Variants in NFATC2 observed in about 807,000 individuals in gnomAD.
NFATC2 encodes nuclear factor of activated T cells 2.
NFATC2 carries 22 observed loss-of-function variants against 87.3 expected under a neutral mutation model. The observed-to-expected ratio is 0.25, with a 90% CI of 0.18 to 0.36. NFATC2 has a LOEUF of 0.36. Among genes scored for constraint, NFATC2 ranks in the 10% least tolerant of loss-of-function variants. The probability of loss-of-function intolerance (pLI) is 1.00; values close to 1 mark genes in which losing one functional copy is unlikely to be tolerated. For missense variants in NFATC2, 1,149 were observed against 1,259.1 expected, an observed-to-expected ratio of 0.91 and a Z score of 1.32; for synonymous variants, 565 against 542.2, an observed-to-expected ratio of 1.04 and a Z score of -0.58.
intron 9 of NFATC2, among the ~76,000 whole-genome samples, chr20:51,407,768 C>A (rs1049902368): frequency 7.9e-5 from 12 of 152,244 alleles, no homozygotes; most frequent in African/African-American, 2.9e-4. Context: ...GGGGTCAGGA[C>A]GAGAACCGTG....
At chr20:51,475,804 C>A (rs564083236) in intron 3 of NFATC2, 144 bp from the exon 4 acceptor site, 141 of 780,906 alleles carry the variant, frequency 1.8e-4, no homozygotes, top group South Asian at 1.4e-3. Flanking sequence ...CTGGAAACAA[C>A]CTTGATGTCC....
At chr20:51,397,159 C>T (rs6123022) in intron 10 of NFATC2, among the ~76,000 whole-genome samples, 10 of 152,260 alleles carry the variant, frequency 6.6e-5, no homozygotes, top group South Asian at 6.2e-4. Flanking sequence ...GGATTACAGG[C>T]GTGAGCCACC....
chr20:51,531,222 G>T (rs1405642608), intron 1 of NFATC2, among the ~76,000 whole-genome samples: 1 of 152,210 alleles, frequency 6.6e-6, no homozygotes, highest in African/African-American at 2.4e-5. Flanking sequence ...CCCCAGCATG[G>T]CACAGGAGGC....
intron 3 of NFATC2, among the ~76,000 whole-genome samples, chr20:51,476,510 T>C (rs908985930): frequency 2.0e-5 from 3 of 152,224 alleles, no homozygotes; most frequent in Admixed American, 6.5e-5. Flanking sequence ...TGAATCCTAA[T>C]CCCAATGGCT....
rs1026655964 is a variant in NFATC2, at chr20:51,480,341, G to A, written c.1333-4681C>T. On this transcript the variant is annotated intron_variant, in intron 3 of 10. Coordinates refer to ENST00000371564, the MANE Select transcript of NFATC2 (RefSeq NM_012340.5). The surrounding 1 kb of genome is among the most constrained non-coding windows in gnomAD (Gnocchi z 4.2). Reference sequence around the variant, plus strand: ...ACAGGAGAGAGAGTGGGGCAGGAAGGAGGGAGAAAAGAAGGGGCACAGAGG... The same window carrying A: ...ACAGGAGAGAGAGTGGGGCAGGAAGAAGGGAGAAAAGAAGGGGCACAGAGG... Among the ~76,000 whole-genome samples the A allele has an allele frequency of 6.6e-6, 1 of 152,178 alleles. No homozygotes were observed. Among genetic ancestry groups the A allele is most frequent in the Non-Finnish European group, 1.5e-5 (1 of 68,034 alleles).
chr20:51,444,381 C>T (rs548235459), intron 6 of NFATC2, among the ~76,000 whole-genome samples: 1 of 151,932 alleles, frequency 6.6e-6, no homozygotes, highest in East Asian at 1.9e-4. Context: ...AGCCCGTTTG[C>T]TGATGTATGG....
intron 1 of NFATC2, among the ~76,000 whole-genome samples, chr20:51,553,955 C>T (rs1272055436): frequency 6.6e-6 from 1 of 152,156 alleles, no homozygotes; most frequent in Non-Finnish European, 1.5e-5. Context: ...GCTGTCTTCC[C>T]CTGTATGCCC....
chr20:51,395,106 T>C (rs1986868191), intron 10 of NFATC2, among the ~76,000 whole-genome samples: 1 of 152,058 alleles, frequency 6.6e-6, no homozygotes, highest in South Asian at 2.1e-4. Context: ...GGAGTCTTTC[T>C]CTCTATGAAA....
Position 51,475,636 on chromosome 20 carries a change from G to T in NFATC2, c.1357C>A (p.Pro453Thr), listed in dbSNP as rs1237864788. ...CCAATGAAGATCTGAAGTCCCAGAGGCTTGTTTTCCATGTAGCCATGGAGC... is the reference window on the plus strand; with the variant it reads ...CCAATGAAGATCTGAAGTCCCAGAGTCTTGTTTTCCATGTAGCCATGGAGC... ...VQLHGYMENK[P>T]LGLQIFIGTA... The change falls in exon 4 of 11, where the codon CCT (proline) becomes ACT (threonine). Residue 453 changes from proline (P) to threonine (T), a missense_variant. By Grantham distance (38) the Pro-to-Thr change is conservative (BLOSUM62 -1). Transcript: ENST00000371564. The T allele has an allele frequency of 1.9e-6, 3 of 1,614,104 alleles. No individual in the cohort carries two copies. The highest frequency in any genetic ancestry group is 1.7e-5 in the Admixed American group (1 of 60,006).
Position 51,495,585 on chromosome 20 carries a change from T to C in NFATC2, c.1333-19925A>G, listed in dbSNP as rs148932071. Among the ~76,000 whole-genome samples, 25 of 152,360 alleles carry C rather than the reference T, an allele frequency of 1.6e-4. No individual in the cohort carries two copies. In the East Asian group the frequency reaches 4.8e-3, roughly 29 times the overall value. On this transcript the variant is annotated intron_variant, in intron 3 of 10. Coordinates refer to ENST00000371564, the MANE Select transcript of NFATC2 (RefSeq NM_012340.5). ...CTTATCCAGTTCTGAACCTGGGTTTTCTTTGATGACAGAAGGCAAATAAAT... is the reference window on the plus strand; with the variant it reads ...CTTATCCAGTTCTGAACCTGGGTTTCCTTTGATGACAGAAGGCAAATAAAT...
chr20:51,496,521 C>T (rs1290795151), intron 3 of NFATC2, among the ~76,000 whole-genome samples: 1 of 152,000 alleles, frequency 6.6e-6, no homozygotes, highest in East Asian at 1.9e-4. Flanking sequence ...GCCTCACTAC[C>T]TTCTCCTTCT....
chr20:51,453,647 G>A (rs762471240), intron 6 of NFATC2, among the ~76,000 whole-genome samples: 37 of 152,270 alleles, frequency 2.4e-4, no homozygotes, highest in Non-Finnish European at 4.0e-4. Context: ...AAAAGACACC[G>A]ATAGTACACC....
Position 51,391,468 on chromosome 20 carries a change from G to C in NFATC2, c.*45-17C>G. On this transcript the variant is annotated splice_polypyrimidine_tract_variant and intron_variant, in intron 10 of 10. Transcript: ENST00000371564. ...TTTCATTAACTACAAAAGAAAAGAG[G>C]AGGGGGGGGGAGAGAGAATGGGGCA... 1 of 1,219,308 alleles carries C rather than the reference G, an allele frequency of 8.2e-7. No homozygotes were observed. Among genetic ancestry groups the C allele is most frequent in the Non-Finnish European group, 1.1e-6 (1 of 885,194 alleles). 75.5% of individuals were successfully genotyped at this position (1,219,308 alleles called of 1,614,324 possible).
chr20:51,398,915 A>G, intron 9 of NFATC2, 185 bp from the exon 10 acceptor site: 2 of 584,472 alleles, frequency 3.4e-6, no homozygotes, highest in Non-Finnish European at 6.1e-6. Flanking sequence ...ACACTAGGGT[A>G]ATAATCATGG....
chr20:51,529,780 T>C (rs2076604071), intron 1 of NFATC2, among the ~76,000 whole-genome samples: 2 of 152,172 alleles, frequency 1.3e-5, no homozygotes, highest in East Asian at 3.8e-4. Context: ...AAGGAAACTT[T>C]ACACCACTAC....
chr20:51,474,254 C>CA, intron 4 of NFATC2, 102 bp from the exon 5 acceptor site: 1 of 1,370,968 alleles, frequency 7.3e-7, no homozygotes. Flanking sequence ...GGGGAAACTG[C>CA]AATACACTCA....
At chr20:51,471,368 A>G (rs1466555898) in intron 5 of NFATC2, among the ~76,000 whole-genome samples, 1 of 152,210 alleles carries the variant, frequency 6.6e-6, no homozygotes, top group African/African-American at 2.4e-5. Flanking sequence ...GAGAGGTTCA[A>G]AACCAAGACC....
chr20:51,467,764 A>G (rs1352085415), intron 5 of NFATC2, among the ~76,000 whole-genome samples: 1 of 152,198 alleles, frequency 6.6e-6, no homozygotes, highest in Non-Finnish European at 1.5e-5. Flanking sequence ...GTGGACTATG[A>G]TGTTGAAAAT....
chr20:51,542,277 G>T, intron 1 of NFATC2, 93 bp downstream of exon 1: 1 of 1,453,666 alleles, frequency 6.9e-7, no homozygotes, highest in Non-Finnish European at 9.1e-7. Flanking sequence ...TTAGGAAGGG[G>T]GACGGCTGGA....
Sources: allele counts gnomAD v4.1 joint callset (sites outside exome capture counted in the v4.1 genomes callset), GRCh38; gene constraint gnomAD v4.1.1; non-coding constraint Gnocchi (gnomAD v3.1); transcripts MANE v1.5; gene names NCBI Gene and HGNC (gene_info 2026-07-23, HGNC 2026-07-21).